The following MYO9A variants were observed in gnomAD, a reference collection of about 807,000 sequenced individuals.
MYO9A encodes unconventional myosin-IXa.
In MYO9A, 103 loss-of-function variants were observed where a neutral mutation model predicts 293.3. The observed-to-expected ratio is 0.35, with a 90% CI of 0.30 to 0.41. The LOEUF (loss-of-function observed/expected upper bound fraction) is 0.41, where lower values mean the gene tolerates loss of function less well. Ranked by LOEUF, MYO9A falls within the 10% of genes least tolerant of loss-of-function variation. MYO9A has a pLI of 1.00. For missense variants in MYO9A, 2,685 were observed against 3,033.0 expected (o/e 0.89, Z 2.69); for synonymous variants, 1,001 against 1,035.7 (o/e 0.97, Z 0.64).
intron 28 of MYO9A, among the ~76,000 whole-genome samples, chr15:71,881,408 A>G (rs1176634019): frequency 3.3e-5 from 5 of 152,116 alleles, no homozygotes; most frequent in African/African-American, 1.2e-4. Flanking sequence ...TAATAAAGGA[A>G]AAAAGTAGCC....
chr15:71,929,453 G>A (rs1035161761), intron 18 of MYO9A, among the ~76,000 whole-genome samples: 1 of 152,100 alleles, frequency 6.6e-6, no homozygotes, highest in Non-Finnish European at 1.5e-5. Context: ...TAATTATATT[G>A]AGGAACAGTC....
At chr15:71,937,614 T>G (rs1303734850) in intron 16 of MYO9A, among the ~76,000 whole-genome samples, 1 of 152,058 alleles carries the variant, frequency 6.6e-6, no homozygotes, top group Non-Finnish European at 1.5e-5. Context: ...ACCGAAAAAT[T>G]TGTGTGATTT....
chr15:72,004,210 C>A (rs1286095155), intron 8 of MYO9A, among the ~76,000 whole-genome samples: 3 of 152,126 alleles, frequency 2.0e-5, no homozygotes, highest in African/African-American at 7.2e-5. Context: ...GGTTCAATAT[C>A]CATTCTACAA....
chr15:72,008,700 C>T (rs769130377), intron 7 of MYO9A, among the ~76,000 whole-genome samples: 1 of 152,090 alleles, frequency 6.6e-6, no homozygotes, highest in Non-Finnish European at 1.5e-5. Context: ...TTACCAAGTA[C>T]CTCCATGTAG....
intron 1 of MYO9A, among the ~76,000 whole-genome samples, chr15:72,111,197 A>G (rs886995000): frequency 1.3e-5 from 2 of 150,578 alleles, no homozygotes; most frequent in Non-Finnish European, 3.0e-5. Context: ...ATTTAAACAT[A>G]ACAAGAAATA....
chr15:72,027,647 G>T (rs567207392), intron 4 of MYO9A, 84 bp downstream of exon 4: 2 of 1,019,240 alleles, frequency 2.0e-6, no homozygotes, highest in East Asian at 4.8e-5. Context: ...CTGAATTAAG[G>T]GTCATAATAC....
At chr15:72,027,067 A>G (rs999489727) in intron 4 of MYO9A, among the ~76,000 whole-genome samples, 75 of 152,198 alleles carry the variant, frequency 4.9e-4, no homozygotes, top group African/African-American at 1.8e-3. Context: ...GTTTGTAAAA[A>G]CTGGATTTCA....
chr15:71,992,438 G>A (rs2076568107), intron 10 of MYO9A, among the ~76,000 whole-genome samples: 3 of 152,126 alleles, frequency 2.0e-5, no homozygotes, highest in Admixed American at 2.0e-4. Flanking sequence ...TATGATGAAT[G>A]AAAAATAGTA....
At chr15:72,037,638 C>A (rs567740769) in intron 2 of MYO9A, among the ~76,000 whole-genome samples, 7 of 152,034 alleles carry the variant, frequency 4.6e-5, no homozygotes, top group Non-Finnish European at 1.5e-5. Context: ...TTTTGATGAT[C>A]TCATGCACAA....
intron 31 of MYO9A, among the ~76,000 whole-genome samples, chr15:71,876,868 T>C (rs1034579774): frequency 6.6e-6 from 1 of 152,182 alleles, no homozygotes; most frequent in Non-Finnish European, 1.5e-5. Flanking sequence ...CTGATAACCA[T>C]AGTACAGAAC....
At chr15:71,994,386 CTG>C in intron 10 of MYO9A, 81 bp downstream of exon 10, 2 of 790,420 alleles carry the variant, frequency 2.5e-6, no homozygotes, top group East Asian at 5.3e-5. Flanking sequence ...CTATATAATT[CTG>C]TGTTTTTAAA....
At chr15:71,861,690 A>AG (rs1170260617) in intron 33 of MYO9A, among the ~76,000 whole-genome samples, 1 of 148,350 alleles carries the variant, frequency 6.7e-6, no homozygotes, top group Non-Finnish European at 1.5e-5. Flanking sequence ...AAAAAAAAAA[A>AG]AAAAAAAAAA....
rs2054358935 is a variant in MYO9A at position 71,823,715 on chromosome 15, CAG to C, written c.*2863_*2864del. 1.3e-5 allele frequency: 2 copies of C among 152,150 alleles called. No individual in the cohort carries two copies. The highest frequency in any genetic ancestry group is 1.5e-5 in the Non-Finnish European group (1 of 68,032). The allele number at this position is 152,150 out of a possible 1,614,324, so 9.4% of individuals were successfully genotyped here. On this transcript the variant is annotated 3_prime_UTR_variant, in exon 42 of 42. Transcript: ENST00000356056. Reference sequence around the variant, plus strand: ...ACAGGGATACATTCACTTTAATGGGCAGAGTTGAAAATTCAGGTTTTGTTTGG... The same window carrying C: ...ACAGGGATACATTCACTTTAATGGGCAGTTGAAAATTCAGGTTTTGTTTGG...
chr15:71,957,838 CA>C (rs1290769120), intron 14 of MYO9A, among the ~76,000 whole-genome samples: 1 of 152,184 alleles, frequency 6.6e-6, no homozygotes, highest in Non-Finnish European at 1.5e-5. Flanking sequence ...CCTGATGGCA[CA>C]GCTGAATTAC....
rs185313092 is a variant in MYO9A, at chr15:71,865,196, T to C, written c.5980-2585A>G. 8.5e-4 allele frequency among the ~76,000 whole-genome samples: 130 copies of C among 152,330 alleles called. No homozygotes were observed. The East Asian group carries it at 0.025, about 29-fold the overall frequency. The stretch of plus-strand genomic sequence containing the variant: ...TACAAGTTTTCCAAAATTTGAATTT[T>C]TGCTTGAATACACAAGTTTTACTGG... On this transcript the variant is annotated intron_variant, in intron 32 of 41. Transcript: ENST00000356056.
At chr15:71,919,816 A>C (rs371681253) in intron 18 of MYO9A, among the ~76,000 whole-genome samples, 4 of 123,284 alleles carry the variant, frequency 3.2e-5, no homozygotes, top group South Asian at 2.8e-4. Flanking sequence ...CACTCCAGCC[A>C]GGGCGACAGA....
chr15:71,925,108 A>G (rs779929346), intron 18 of MYO9A, among the ~76,000 whole-genome samples: 73 of 151,278 alleles, frequency 4.8e-4, no homozygotes, highest in Non-Finnish European at 9.9e-4. Flanking sequence ...TAATTACAGT[A>G]TTGCTATCTC....
rs755317051 is a variant in MYO9A at position 71,826,893 on chromosome 15, T to C, written c.7334A>G (p.His2445Arg). Residue 2445 changes from histidine (H) to arginine (R), a missense_variant, in exon 42 of 42, where the codon CAT (histidine) becomes CGT (arginine). Coordinates refer to ENST00000356056, the MANE Select transcript of MYO9A (RefSeq NM_006901.4). ...AATCTGAAATAGTTTTCTGGTCCCA[T>C]GAGATGATGCCGTGTTAGACAGACA... Reference protein sequence around the residue: ...SLCLSNTASSHGTRKLFQIYS... With the variant: ...SLCLSNTASSRGTRKLFQIYS... The C allele has an allele frequency of 3.1e-6, 5 of 1,610,142 alleles. No individual in the cohort carries two copies. The highest frequency in any genetic ancestry group is 4.2e-6 in the Non-Finnish European group (5 of 1,176,524).
At chr15:71,893,146 C>A in intron 26 of MYO9A, 5 of 1,284,070 alleles carry the variant, frequency 3.9e-6, no homozygotes, top group Non-Finnish European at 5.1e-6. Flanking sequence ...CCGCGCCATT[C>A]GAGCTTTCTT....
Sources: gnomAD v4.1 joint callset for allele counts (sites outside exome capture counted in the v4.1 genomes callset) on GRCh38, gnomAD v4.1.1 for gene constraint, MANE v1.5 for transcripts, NCBI Gene and HGNC (gene_info 2026-07-23, HGNC 2026-07-21) for gene names.